DPT: variants seen among roughly 807,000 people sequenced by gnomAD.
The protein encoded by DPT is tyrosine-rich acidic matrix protein.
In DPT, 21 loss-of-function variants were observed where a neutral mutation model predicts 31.2. The observed-to-expected ratio is 0.67, with a 90% CI of 0.48 to 0.97. DPT has a LOEUF of 0.97. Among genes scored for constraint, DPT ranks in the 50% least tolerant of loss-of-function variants. The pLI is 0.00. For missense variants in DPT, 262 were observed against 258.8 expected, an observed-to-expected ratio of 1.01 and a Z score of -0.08; for synonymous variants, 91 against 86.9, an observed-to-expected ratio of 1.05 and a Z score of -0.26.
chr1:168,722,418 T>C (rs1650138812), intron 1 of DPT, among the ~76,000 whole-genome samples: 1 of 152,230 alleles, frequency 6.6e-6, no homozygotes. Flanking sequence ...GATACTTGTC[T>C]CCATGAGTCT....
At chr1:168,712,664 C>T (rs1300696765) in intron 2 of DPT, among the ~76,000 whole-genome samples, 1 of 152,130 alleles carries the variant, frequency 6.6e-6, no homozygotes, top group African/African-American at 2.4e-5. Context: ...CTTCCTTCAT[C>T]CTCTCAAAAC....
chr1:168,723,270 G>C (rs1650163904), intron 1 of DPT, among the ~76,000 whole-genome samples: 1 of 152,220 alleles, frequency 6.6e-6, no homozygotes, highest in Non-Finnish European at 1.5e-5. Flanking sequence ...GCTGGCTCAG[G>C]TCCTCCGTCT....
chr1:168,727,590 T>C (rs1177185855), intron 1 of DPT, among the ~76,000 whole-genome samples: 1 of 149,664 alleles, frequency 6.7e-6, no homozygotes, highest in Admixed American at 6.7e-5. Flanking sequence ...CAGGAGGGAA[T>C]ACAGTGGTGC....
At chr1:168,711,689 T>G (rs1466265328) in intron 2 of DPT, among the ~76,000 whole-genome samples, 1 of 152,220 alleles carries the variant, frequency 6.6e-6, no homozygotes, top group Non-Finnish European at 1.5e-5. Context: ...AGTTTGCCTT[T>G]GAATGTCCTG....
At position 168,706,243 on chromosome 1, in the gene DPT, C is replaced by G. The variant is rs527406815; in HGVS notation, c.432-5119G>C. ...GTTTGGAGGAGAAACTCAACATTTG[C>G]GGATTTGGTGTGTTGAGGTTGGCTT... On this transcript the variant is annotated intron_variant, in intron 2 of 3. Transcript: ENST00000367817. Among the ~76,000 whole-genome samples, 10 of 152,188 alleles carry G rather than the reference C, an allele frequency of 6.6e-5. No individual in the cohort carries two copies. The South Asian group carries it at 1.2e-3, about 19-fold the overall frequency.
At chr1:168,728,827 G>C (rs1055494681) in intron 1 of DPT, 43 bp downstream of exon 1, 172 of 1,599,466 alleles carry the variant, frequency 1.1e-4, no homozygotes, top group Non-Finnish European at 1.5e-4. Flanking sequence ...GGGATATGCA[G>C]AGATGTTCCC....
At chr1:168,703,128 C>G (rs1649640873) in intron 2 of DPT, among the ~76,000 whole-genome samples, 1 of 152,174 alleles carries the variant, frequency 6.6e-6, no homozygotes, top group South Asian at 2.1e-4. Context: ...TTTTCTAAAA[C>G]TTTTGAAGCA....
intron 1 of DPT, among the ~76,000 whole-genome samples, chr1:168,720,347 G>A (rs1650074027): frequency 6.6e-6 from 1 of 152,160 alleles, no homozygotes; most frequent in Non-Finnish European, 1.5e-5. Context: ...CTTGTTGTCT[G>A]CATTCTTTAC....
intron 1 of DPT, among the ~76,000 whole-genome samples, chr1:168,726,980 C>T (rs1251692563): frequency 6.6e-6 from 1 of 152,238 alleles, no homozygotes; most frequent in Non-Finnish European, 1.5e-5. Context: ...CCTCTCCCCA[C>T]CCCTTCTACA....
At chr1:168,702,151 C>T (rs1471370148) in intron 2 of DPT, among the ~76,000 whole-genome samples, 1 of 152,144 alleles carries the variant, frequency 6.6e-6, no homozygotes, top group African/African-American at 2.4e-5. Context: ...TTATCCACAC[C>T]CCAGGGACGC....
At chr1:168,726,950 C>T (rs1031872036) in intron 1 of DPT, among the ~76,000 whole-genome samples, 42 of 152,256 alleles carry the variant, frequency 2.8e-4, no homozygotes, top group African/African-American at 1.0e-3. Context: ...GCACCCTCAC[C>T]TGCTGCTGCC....
chr1:168,725,672 A>G (rs1396936454), intron 1 of DPT, among the ~76,000 whole-genome samples: 2 of 152,172 alleles, frequency 1.3e-5, no homozygotes, highest in African/African-American at 4.8e-5. Flanking sequence ...CCGGCACTTG[A>G]AGAGGTGATT....
intron 2 of DPT, among the ~76,000 whole-genome samples, chr1:168,701,637 T>A (rs952899376): frequency 2.0e-5 from 3 of 152,336 alleles, no homozygotes; most frequent in Admixed American, 1.3e-4. Context: ...ATGTACATAT[T>A]GCGATAGTTT....
intron 3 of DPT, 109 bp downstream of exon 3, chr1:168,700,900 TGTGTGTGG>T (rs536910599): frequency 0.081 from 31,767 of 391,206 alleles, 197 homozygotes; most frequent in African/African-American, 0.15. Context: ...CGTGTGTGTG[TGTGTGTGG>T]GTGTGTGTGT....
At chr1:168,710,582 C>T (rs1311030167) in intron 2 of DPT, among the ~76,000 whole-genome samples, 1 of 152,190 alleles carries the variant, frequency 6.6e-6, no homozygotes, top group Admixed American at 6.5e-5. Flanking sequence ...ATCTATCAAT[C>T]TTTAACATTG....
intron 1 of DPT, among the ~76,000 whole-genome samples, chr1:168,721,972 T>A (rs1557851298): frequency 6.6e-6 from 1 of 152,212 alleles, no homozygotes; most frequent in Non-Finnish European, 1.5e-5. Context: ...CAGAACAGCA[T>A]CTCTGGATAG....
At chr1:168,719,367 A>C (rs954356646) in intron 1 of DPT, among the ~76,000 whole-genome samples, 2 of 152,218 alleles carry the variant, frequency 1.3e-5, no homozygotes, top group Admixed American at 6.5e-5. Context: ...CACTGGCCAT[A>C]GCTGCAGGAT....
chr1:168,729,113 C>T lies in DPT; in HGVS notation c.62G>A (p.Gly21Asp). The part of the protein sequence containing the change: ...PLVTMAWGQY[G>D]DYGYPYQQYH... ...CTGCTGGTATGGGTATCCATAATCGCCATACTGGCCCCAGGCCATGGTGAC... is the reference window on the plus strand; with the variant it reads ...CTGCTGGTATGGGTATCCATAATCGTCATACTGGCCCCAGGCCATGGTGAC... The change falls in exon 1 of 4, where the codon GGC (glycine) becomes GAC (aspartate). Residue 21 changes from glycine to aspartate, a missense_variant. Transcript: ENST00000367817. The T allele has an allele frequency of 6.2e-7, 1 of 1,614,218 alleles. No homozygotes were observed. The highest frequency in any genetic ancestry group is 8.5e-7 in the Non-Finnish European group (1 of 1,180,038).
chr1:168,724,397 G>A (rs1291775257), intron 1 of DPT, among the ~76,000 whole-genome samples: 5 of 152,186 alleles, frequency 3.3e-5, no homozygotes, highest in Admixed American at 3.3e-4. Context: ...CACTGGCTGG[G>A]GTTTGGACTG....
Sources: gnomAD v4.1 joint callset for allele counts (sites outside exome capture counted in the v4.1 genomes callset) on GRCh38, gnomAD v4.1.1 for gene constraint, MANE v1.5 for transcripts, NCBI Gene and HGNC (gene_info 2026-07-23, HGNC 2026-07-21) for gene names.